WDR64: variants seen among roughly 807,000 people sequenced by gnomAD.
The protein encoded by WDR64 is WD repeat-containing protein 64.
WDR64 carries 112 observed loss-of-function variants against 139.3 expected under a neutral mutation model. The observed-to-expected ratio is 0.80, with a 90% confidence interval of 0.69 to 0.94. WDR64 has a LOEUF of 0.94. WDR64 is among the 40% of genes least tolerant of loss of function. The pLI, the probability that WDR64 is intolerant of heterozygous loss-of-function variation, is 0.00. For synonymous variants in WDR64, 444 were observed against 437.7 expected (o/e 1.01, Z -0.18); for missense variants, 1,206 against 1,293.1 (o/e 0.93, Z 1.03).
intron 7 of WDR64, among the ~76,000 whole-genome samples, chr1:241,687,256 A>G (rs964596849): frequency 2.0e-5 from 3 of 151,196 alleles, no homozygotes; most frequent in Non-Finnish European, 4.4e-5. Context: ...GTGAGCCGAG[A>G]TCGCACCACT....
rs1241949636 is a variant in WDR64, at chr1:241,683,718, G to A, written c.839+17G>A. 6.8e-7 allele frequency: 1 copy of A among 1,463,852 alleles called. No homozygotes were observed. The allele number at this position is 1,463,852 out of a possible 1,614,324, so 90.7% of individuals were successfully genotyped here. A position where few individuals can be genotyped will look rare whatever the true frequency, so the allele number is the denominator to read the frequency against. ...CTTTAAAAGGTAAGAGTATCATACA[G>A]TTAATTTAATTCTTTTAATAATTAT... is the stretch of plus-strand genomic sequence containing the variant. On this transcript the variant is annotated intron_variant, in intron 7 of 27. Transcript: ENST00000437684.
At chr1:241,725,805 T>G (rs1380466560) in intron 10 of WDR64, among the ~76,000 whole-genome samples, 1 of 151,806 alleles carries the variant, frequency 6.6e-6, no homozygotes, top group Non-Finnish European at 1.5e-5. Flanking sequence ...CTCCAAAGAT[T>G]CACTATCCCC....
intron 9 of WDR64, among the ~76,000 whole-genome samples, chr1:241,717,887 T>G (rs1290589522): frequency 6.6e-6 from 1 of 152,170 alleles, no homozygotes; most frequent in Non-Finnish European, 1.5e-5. Flanking sequence ...ATAATAGTAA[T>G]AGTAATTGTT....
intron 5 of WDR64, among the ~76,000 whole-genome samples, chr1:241,678,860 G>GAAAAAA (rs58075238): frequency 3.0e-5 from 1 of 33,616 alleles, no homozygotes; most frequent in Non-Finnish European, 4.9e-5. Context: ...TTCTTAAACT[G>GAAAAAA]AAAAAAAAAA....
chr1:241,761,046 C>T (rs946845091), intron 15 of WDR64, among the ~76,000 whole-genome samples: 4 of 152,120 alleles, frequency 2.6e-5, no homozygotes, highest in African/African-American at 9.7e-5. Context: ...CTCCCCTTCA[C>T]AGAAGTTACA....
At chr1:241,674,851 T>G in intron 4 of WDR64, 104 bp downstream of exon 4, 1 of 145,524 alleles carries the variant, frequency 6.9e-6, no homozygotes, top group Non-Finnish European at 1.3e-5. Flanking sequence ...TCCTTCCTTC[T>G]TTCCTTCCTC....
Position 241,760,240 on chromosome 1 carries a change from T to G in WDR64, c.1947+2781T>G, listed in dbSNP as rs562501322. Among the ~76,000 whole-genome samples, 27 of 152,258 alleles carry G rather than the reference T, an allele frequency of 1.8e-4. No homozygotes were observed. The South Asian group carries it at 4.3e-3, about 25-fold the overall frequency. The stretch of plus-strand genomic sequence containing the variant: ...CTATAGTATTTCATGTGAATAGATG[T>G]ACCATTGTTTATTCAACTAGTCCCC... On this transcript the variant is annotated intron_variant, in intron 15 of 27. Coordinates refer to ENST00000437684, the MANE Select transcript of WDR64 (RefSeq NM_001367482.1).
At chr1:241,705,565 T>TAAATAAATA (rs78000093) in intron 8 of WDR64, among the ~76,000 whole-genome samples, 28 of 66,980 alleles carry the variant, frequency 4.2e-4, no homozygotes, top group East Asian at 6.5e-4. Flanking sequence ...AAATAAATAA[T>TAAATAAATA]AATAATAATA....
At chr1:241,691,746 G>A (rs542658932) in intron 8 of WDR64, among the ~76,000 whole-genome samples, 63 of 152,328 alleles carry the variant, frequency 4.1e-4, no homozygotes, top group African/African-American at 1.5e-3. Context: ...GGGCACAGTG[G>A]CTCATGCCTG....
intron 12 of WDR64, among the ~76,000 whole-genome samples, chr1:241,744,072 C>T (rs1365165463): frequency 6.6e-6 from 1 of 152,178 alleles, no homozygotes; most frequent in East Asian, 1.9e-4. Context: ...CTTTTGTCTG[C>T]TGAGCTTGCA....
chr1:241,757,458 A>ATGTAAGTT lies in WDR64; in HGVS notation c.1947+1_1947+8dup. On this transcript the variant is annotated frameshift_variant and splice_region_variant, in exon 15 of 28. Transcript: ENST00000437684. LOFTEE classifies it high-confidence loss of function. ...GAGAGGAACTTTTCTCAACCTACTG[A>ATGTAAGTT]TGTAAGTTTCCTCTCTTGGTTTCTT... 6.2e-7 allele frequency: 1 copy of ATGTAAGTT among 1,602,680 alleles called. No homozygotes were observed.
intron 6 of WDR64, among the ~76,000 whole-genome samples, chr1:241,682,212 T>C (rs1459701184): frequency 6.6e-6 from 1 of 152,234 alleles, no homozygotes; most frequent in Non-Finnish European, 1.5e-5. Context: ...AGCCAATGTC[T>C]AGAAAGGTTT....
chr1:241,665,683 G>C (rs1278098436), intron 2 of WDR64, among the ~76,000 whole-genome samples: 1 of 152,062 alleles, frequency 6.6e-6, no homozygotes. Context: ...GAGATCAAAA[G>C]AAATATGACT....
At chr1:241,725,172 A>G (rs931442250) in intron 10 of WDR64, among the ~76,000 whole-genome samples, 2 of 152,214 alleles carry the variant, frequency 1.3e-5, no homozygotes, top group East Asian at 3.8e-4. Flanking sequence ...ACAGGTTTAC[A>G]TACTGCTGGG....
intron 20 of WDR64, among the ~76,000 whole-genome samples, chr1:241,774,679 T>G (rs1305412365): frequency 6.6e-6 from 1 of 152,132 alleles, no homozygotes; most frequent in African/African-American, 2.4e-5. Flanking sequence ...GACATACACT[T>G]AAAAGTGTGT....
chr1:241,730,091 T>G (rs1669020059), intron 10 of WDR64, among the ~76,000 whole-genome samples: 1 of 152,284 alleles, frequency 6.6e-6, no homozygotes, highest in African/African-American at 2.4e-5. Flanking sequence ...AGTGGCCATC[T>G]AGGAAGAAAA....
At chr1:241,769,613 G>A (rs1399028392) in intron 17 of WDR64, 108 bp downstream of exon 17, 1 of 961,394 alleles carries the variant, frequency 1.0e-6, no homozygotes, top group Non-Finnish European at 1.6e-6. Flanking sequence ...GTAATAGAAA[G>A]AGTTTACTTC....
chr1:241,679,415 T>A lies in WDR64; in HGVS notation c.514-70T>A, dbSNP rs1666684633. 5 of 1,358,764 alleles carry A rather than the reference T, an allele frequency of 3.7e-6. No homozygotes were observed. The South Asian group carries it at 6.3e-5, about 17-fold the overall frequency. 84.2% of individuals were successfully genotyped at this position (1,358,764 alleles called of 1,614,324 possible). ...GGAGCTTTTAGTGTGACTAACCTGC[T>A]CTTTGGTGACCATCACCAGGTCATT... On this transcript the variant is annotated intron_variant, in intron 5 of 27. Coordinates refer to ENST00000437684, the MANE Select transcript of WDR64 (RefSeq NM_001367482.1).
chr1:241,786,997 C>T (rs1659059509), intron 23 of WDR64, among the ~76,000 whole-genome samples: 1 of 152,088 alleles, frequency 6.6e-6, no homozygotes. Flanking sequence ...AAATGGGTGT[C>T]ATAAGTACAG....
Sources: allele counts gnomAD v4.1 joint callset (sites outside exome capture counted in the v4.1 genomes callset), GRCh38; gene constraint gnomAD v4.1.1; transcripts MANE v1.5; gene names NCBI Gene and HGNC (gene_info 2026-07-23, HGNC 2026-07-21).